TOX2: variants seen among roughly 807,000 people sequenced by gnomAD.
The protein encoded by TOX2 is TOX high mobility group box family member 2.
TOX2 carries 15 observed loss-of-function variants against 47.4 expected under a neutral mutation model. The ratio of observed to expected loss-of-function variants is 0.32; its 90% CI spans 0.21 to 0.49. TOX2 has a LOEUF of 0.49. TOX2 is among the 20% of genes least tolerant of loss of function. The pLI is 0.99. For missense variants in TOX2, 622 were observed against 673.1 expected, an observed-to-expected ratio of 0.92 and a Z score of 0.84; for synonymous variants, 290 against 296.6, an observed-to-expected ratio of 0.98 and a Z score of 0.23.
Position 44,066,771 on chromosome 20 carries a change from C to G in TOX2, c.1398C>G (p.Ser466=). 1 of 1,614,204 alleles carries G rather than the reference C, an allele frequency of 6.2e-7. No individual in the cohort carries two copies. Among genetic ancestry groups the G allele is most frequent in the Non-Finnish European group, 8.5e-7 (1 of 1,180,044 alleles). The change falls in exon 8 of 9, where the codon TCC becomes TCG. Residue 466 remains serine, a synonymous_variant. Transcript: ENST00000341197. ...HISEFPSSSG[S]CSPGPSNPTS... is the part of the protein sequence containing the mutation. ...CTGAGTTCCCCAGCAGCTCGGGATC[C>G]TGCTCACCTGGCCCATCCAACCCCA...
At chr20:43,982,848 A>T (rs1028237747) in intron 2 of TOX2, among the ~76,000 whole-genome samples, 1 of 151,328 alleles carries the variant, frequency 6.6e-6, no homozygotes, top group Non-Finnish European at 1.5e-5. Context: ...GAAGGATGTC[A>T]GTTCCTCTGA....
intron 5 of TOX2, among the ~76,000 whole-genome samples, chr20:44,062,186 T>A (rs1460074406): frequency 6.6e-6 from 1 of 152,080 alleles, no homozygotes; most frequent in Non-Finnish European, 1.5e-5. Context: ...CACTGTTTGC[T>A]GATGGGATTA....
At position 44,011,491 on chromosome 20, in the gene TOX2, G is replaced by A. The variant is rs142399093; in HGVS notation, c.411+4699G>A. Among the ~76,000 whole-genome samples the A allele has an allele frequency of 2.0e-5, 3 of 152,350 alleles. No homozygotes were observed. The East Asian group carries it at 5.8e-4, about 29-fold the overall frequency. On this transcript the variant is annotated intron_variant, in intron 3 of 8. Transcript: ENST00000341197. ...GTGGGGTTATCACTTCCTAGAGGAA[G>A]TGTCCCCTGATGCAGAGTAGATTCT... is the stretch of plus-strand genomic sequence containing the variant.
chr20:44,060,277 GAGAA>G (rs1217124029), intron 5 of TOX2, among the ~76,000 whole-genome samples: 1 of 152,088 alleles, frequency 6.6e-6, no homozygotes, highest in Non-Finnish European at 1.5e-5. Context: ...CCTAAGAAAT[GAGAA>G]AGATAGACAG....
chr20:43,964,488 G>A (rs1022270403), intron 1 of TOX2, among the ~76,000 whole-genome samples: 2 of 152,230 alleles, frequency 1.3e-5, no homozygotes, highest in Admixed American at 1.3e-4. Context: ...CGGGAGCAGT[G>A]TGTGCTGCTT....
At chr20:43,968,078 A>G (rs183719402) in intron 1 of TOX2, among the ~76,000 whole-genome samples, 13 of 152,222 alleles carry the variant, frequency 8.5e-5, no homozygotes, top group African/African-American at 2.4e-4. Context: ...TCACCCATCT[A>G]TTCATTCACC....
chr20:43,948,857 A>G (rs748803203), intron 1 of TOX2, among the ~76,000 whole-genome samples: 16 of 152,294 alleles, frequency 1.1e-4, no homozygotes, highest in Non-Finnish European at 2.1e-4. Context: ...TGTTGAGATG[A>G]GCCTGGAGTA....
rs146898892 is a variant in TOX2 at position 44,066,891 on chromosome 20, C to T, written c.1484+34C>T. 5.6e-6 allele frequency: 9 copies of T among 1,593,532 alleles called. No individual in the cohort carries two copies. In the Admixed American group the frequency reaches 1.5e-4, roughly 27 times the overall value. On this transcript the variant is annotated intron_variant, in intron 8 of 8. Coordinates refer to ENST00000341197, the MANE Select transcript of TOX2 (RefSeq NM_001098797.2). Reference sequence around the variant, plus strand: ...TCGCCCGTCCCTGCCTTTGTCCTGCCAGCCAGGGAGAGTGGGAACAGGATG... The same window carrying T: ...TCGCCCGTCCCTGCCTTTGTCCTGCTAGCCAGGGAGAGTGGGAACAGGATG...
chr20:43,966,419 G>C (rs1376337169), intron 1 of TOX2, among the ~76,000 whole-genome samples: 1 of 152,146 alleles, frequency 6.6e-6, no homozygotes, highest in Non-Finnish European at 1.5e-5. Context: ...TCGGTGGATA[G>C]AGAAAGGGAG....
chr20:43,970,666 G>A (rs1302767930), intron 1 of TOX2, among the ~76,000 whole-genome samples: 2 of 152,198 alleles, frequency 1.3e-5, no homozygotes, highest in African/African-American at 4.8e-5. Flanking sequence ...AATGATCAAT[G>A]GCCATGGTCA....
In TOX2 at chr20:44,031,261, G is replaced by A. The variant is rs116262967; in HGVS notation, c.412-20045G>A. ...CTGTTAGCGCCCTCTGTGTTCAGCC[G>A]CTGTTCCTTGGTAGCATAAAATAGT... On this transcript the variant is annotated intron_variant, in intron 3 of 8. Transcript: ENST00000341197. Among the ~76,000 whole-genome samples, 399 of 152,260 alleles carry A rather than the reference G, an allele frequency of 2.6e-3. 1 individual carries two copies. The highest frequency in any genetic ancestry group is 9.2e-3 in the African/African-American group (381 of 41,534).
chr20:44,034,455 T>C (rs1569118166), intron 3 of TOX2, among the ~76,000 whole-genome samples: 1 of 152,192 alleles, frequency 6.6e-6, no homozygotes, highest in East Asian at 1.9e-4. Context: ...GTTTATGGAA[T>C]GAATGAATGA....
chr20:43,976,971 A>G (rs1025696820), intron 2 of TOX2, among the ~76,000 whole-genome samples: 1 of 152,232 alleles, frequency 6.6e-6, no homozygotes, highest in African/African-American at 2.4e-5. Flanking sequence ...GGCTTAAAAT[A>G]TGTTTTATAA....
At chr20:44,001,677 TCTCTGTGCCAGCACCTG>T (rs56771554) in intron 2 of TOX2, among the ~76,000 whole-genome samples, 104,524 of 151,694 alleles carry the variant, frequency 0.69, 36,422 homozygotes, top group African/African-American at 0.77. Flanking sequence ...CTGGGCACCT[TCTCTGTGCCAGCACCTG>T]CTCTGTGCCA....
chr20:43,926,991 G>GTGGGAGATACACAATGGGTGGCTC (rs1271356565), intron 1 of TOX2, among the ~76,000 whole-genome samples: 1 of 152,216 alleles, frequency 6.6e-6, no homozygotes, highest in Non-Finnish European at 1.5e-5. Context: ...ATGGGTGGCT[G>GTGGGAGATACACAATGGGTGGCTC]TGGAAGCCAC....
intron 3 of TOX2, among the ~76,000 whole-genome samples, chr20:44,046,095 C>A (rs188049489): frequency 1.3e-5 from 2 of 152,290 alleles, no homozygotes; most frequent in Non-Finnish European, 2.9e-5. Flanking sequence ...ATATTAAGAA[C>A]TGGGTTAGAA....
chr20:43,951,707 G>GTTTTTTTTTTTTTTTTGTTTTT (rs2069572312), intron 1 of TOX2, among the ~76,000 whole-genome samples: 4 of 55,096 alleles, frequency 7.3e-5, no homozygotes, highest in Admixed American at 2.4e-4. Context: ...AACTTATTAT[G>GTTTTTTTTTTTTTTTTGTTTTT]TTTTTTTTTT....
At chr20:44,035,892 G>T (rs955828740) in intron 3 of TOX2, among the ~76,000 whole-genome samples, 1 of 152,218 alleles carries the variant, frequency 6.6e-6, no homozygotes, top group African/African-American at 2.4e-5. Flanking sequence ...GGCAGAGAGA[G>T]AACTTGAACC....
chr20:43,924,591 T>G lies in TOX2; in HGVS notation c.99+9601T>G, dbSNP rs571635131. On this transcript the variant is annotated intron_variant, in intron 1 of 8. Transcript: ENST00000341197. The stretch of plus-strand genomic sequence containing the variant: ...CTGCCCTGCCCAGCCTCAATGCAGG[T>G]CAGTGTTTCTGGCTTTGCCTTTCAC... Among the ~76,000 whole-genome samples, 10 of 152,284 alleles carry G rather than the reference T, an allele frequency of 6.6e-5. No homozygotes were observed. The South Asian group carries it at 2.1e-3, about 32-fold the overall frequency.
Sources: gnomAD v4.1 joint callset for allele counts (sites outside exome capture counted in the v4.1 genomes callset) on GRCh38, gnomAD v4.1.1 for gene constraint, MANE v1.5 for transcripts, NCBI Gene and HGNC (gene_info 2026-07-23, HGNC 2026-07-21) for gene names.